XDH: variants seen among roughly 807,000 people sequenced by gnomAD.
XDH encodes the protein xanthine dehydrogenase/oxidase.
A neutral mutation model predicts 156.1 loss-of-function variants in XDH; 138 were observed. The ratio of observed to expected loss-of-function variants is 0.88; its 90% CI spans 0.77 to 1.02. The LOEUF is 1.02. Ranked by LOEUF, XDH falls within the 50% of genes least tolerant of loss-of-function variation. XDH has a pLI of 0.00. For missense variants in XDH, 1,849 were observed against 1,684.9 expected, an observed-to-expected ratio of 1.10 and a Z score of -1.71; for synonymous variants, 669 against 625.7, an observed-to-expected ratio of 1.07 and a Z score of -1.03.
intron 13 of XDH, among the ~76,000 whole-genome samples, chr2:31,378,461 A>T (rs1686338854): frequency 6.6e-6 from 1 of 152,178 alleles, no homozygotes; most frequent in African/African-American, 2.4e-5. Flanking sequence ...GATCTATTGG[A>T]AAAAGCACAA....
intron 17 of XDH, 76 bp from the exon 18 acceptor site, chr2:31,370,554 G>A: frequency 1.9e-6 from 3 of 1,588,482 alleles, no homozygotes; most frequent in Non-Finnish European, 2.6e-6. Flanking sequence ...GGACAACCCT[G>A]TTCTTATTTT....
At chr2:31,353,843 G>T (rs1362566835) in intron 24 of XDH, among the ~76,000 whole-genome samples, 1 of 152,168 alleles carries the variant, frequency 6.6e-6, no homozygotes, top group Non-Finnish European at 1.5e-5. Flanking sequence ...GCTGTTATGA[G>T]ATACCCCAAC....
chr2:31,382,204 A>G (rs1686453691), intron 11 of XDH, among the ~76,000 whole-genome samples: 1 of 152,162 alleles, frequency 6.6e-6, no homozygotes, highest in Admixed American at 6.5e-5. Context: ...ACAGGAAGAA[A>G]ATCAGTTGCA....
At chr2:31,342,810 C>A (rs762298537) in intron 31 of XDH, among the ~76,000 whole-genome samples, 6 of 152,116 alleles carry the variant, frequency 3.9e-5, no homozygotes, top group Non-Finnish European at 5.9e-5. Context: ...ACCTGCTGGT[C>A]CCTTTGAAAG....
intron 1 of XDH, among the ~76,000 whole-genome samples, chr2:31,408,081 C>T (rs1687240381): frequency 6.6e-6 from 1 of 152,192 alleles, no homozygotes; most frequent in Non-Finnish European, 1.5e-5. Flanking sequence ...TTCAAGGTAA[C>T]ATCCAAGTTC....
At chr2:31,367,215 G>T (rs571547414) in intron 20 of XDH, among the ~76,000 whole-genome samples, 2 of 152,108 alleles carry the variant, frequency 1.3e-5, no homozygotes, top group South Asian at 2.1e-4. Flanking sequence ...AACAAAGAAA[G>T]AACGACACTG....
intron 34 of XDH, 58 bp from the exon 35 acceptor site, chr2:31,337,875 A>T: frequency 4.4e-6 from 7 of 1,586,482 alleles, no homozygotes; most frequent in Non-Finnish European, 5.2e-6. Context: ...CCTCCACATC[A>T]TCAAGTGGAC....
chr2:31,402,000 C>A (rs1687072439), intron 3 of XDH, among the ~76,000 whole-genome samples: 1 of 152,150 alleles, frequency 6.6e-6, no homozygotes, highest in South Asian at 2.1e-4. Context: ...AAACCAAAGT[C>A]CATATGAAGG....
At chr2:31,348,565 C>T (rs45521940) in intron 27 of XDH, among the ~76,000 whole-genome samples, 3,113 of 152,274 alleles carry the variant, frequency 0.02, 100 homozygotes, top group African/African-American at 0.07. Flanking sequence ...ATATGTTTCT[C>T]TCTGTTTCTC....
Position 31,378,125 on chromosome 2 carries a change from AGG to A in XDH, c.1243-890_1243-889del, listed in dbSNP as rs1318722747. On this transcript the variant is annotated intron_variant, in intron 13 of 35. Coordinates refer to ENST00000379416, the MANE Select transcript of XDH (RefSeq NM_000379.4). Reference sequence around the variant, plus strand: ...AAGAAAGAAAGGAAGGAAGGAAGGAAGGAAGGAAGGAAGGAAGGAAGGAAGGA... The same window carrying A: ...AAGAAAGAAAGGAAGGAAGGAAGGAAAAGGAAGGAAGGAAGGAAGGAAGGA... Among the ~76,000 whole-genome samples the A allele has an allele frequency of 2.6e-4, 15 of 57,920 alleles. 1 individual carries two copies. The highest frequency in any genetic ancestry group is 8.2e-4 in the African/African-American group (13 of 15,844). The allele number at this position is 57,920 out of a possible 152,430, so 38.0% of individuals were successfully genotyped here.
At chr2:31,412,628 TA>T (rs1458772939) in intron 1 of XDH, among the ~76,000 whole-genome samples, 4 of 152,080 alleles carry the variant, frequency 2.6e-5, no homozygotes, top group Non-Finnish European at 4.4e-5. Context: ...ACTTAAAGTA[TA>T]ATAATAAAAA....
intron 15 of XDH, among the ~76,000 whole-genome samples, chr2:31,375,023 C>CTTTTTTTTTTTT (rs60340656): frequency 4.3e-5 from 4 of 92,346 alleles, no homozygotes; most frequent in African/African-American, 1.0e-4. Flanking sequence ...TTCTTTCTTT[C>CTTTTTTTTTTTT]TTTTTTTTTT....
chr2:31,370,954 G>A (rs759681257), intron 17 of XDH, among the ~76,000 whole-genome samples: 6 of 152,306 alleles, frequency 3.9e-5, no homozygotes, highest in Admixed American at 1.3e-4. Flanking sequence ...ACTCTGGAGC[G>A]CTCTGGCTCA....
At chr2:31,352,211 T>G (rs1685501925) in intron 24 of XDH, among the ~76,000 whole-genome samples, 2 of 152,204 alleles carry the variant, frequency 1.3e-5, no homozygotes, top group South Asian at 4.1e-4. Context: ...CAAGTTTCTT[T>G]GAACCCCTCT....
intron 6 of XDH, among the ~76,000 whole-genome samples, chr2:31,392,889 T>C (rs977946632): frequency 6.6e-6 from 1 of 152,260 alleles, no homozygotes; most frequent in African/African-American, 2.4e-5. Flanking sequence ...TTTGACCATG[T>C]GTTCTTTTGA....
rs766142390 is a variant in XDH at position 31,364,235 on chromosome 2, T to C, written c.2554A>G (p.Met852Val). Residue 852 changes from methionine (M) to valine (V), a missense_variant, in exon 24 of 36, where the codon ATG (methionine) becomes GTG (valine). Met to Val is a conservative substitution (Grantham distance 21, BLOSUM62 1). Transcript: ENST00000379416. The stretch of plus-strand genomic sequence containing the variant: ...AGAGCCACAACTGTCCCAGTCTTCA[T>C]GAAGCCAACCTGATAAAAGGAGAAA... ...PFLARYKVGF[M>V]KTGTVVALEV... is the part of the protein sequence containing the mutation. The C allele has an allele frequency of 6.2e-7, 1 of 1,614,182 alleles. No individual in the cohort carries two copies. Among genetic ancestry groups the C allele is most frequent in the African/African-American group, 1.3e-5 (1 of 75,050 alleles).
At position 31,373,900 on chromosome 2, in the gene XDH, G is replaced by A; in HGVS notation, c.1659C>T (p.Asp553=). Residue 553 remains aspartate (D), a synonymous_variant, in exon 16 of 36, where the codon GAC becomes GAT. Transcript: ENST00000379416. The part of the protein sequence containing the change: ...FASATLLFQK[D]PPADVQLFQE... The stretch of plus-strand genomic sequence containing the variant: ...GGAAGAGCTGGACATCGGCTGGGGG[G>A]TCTTTCTGAAACAGTAAAGTTGCAC... 1 of 1,613,920 alleles carries A rather than the reference G, an allele frequency of 6.2e-7. No homozygotes were observed. Among genetic ancestry groups the A allele is most frequent in the Non-Finnish European group, 8.5e-7 (1 of 1,179,894 alleles).
At position 31,383,753 on chromosome 2, in the gene XDH, A is replaced by G. The variant is rs1686505443; in HGVS notation, c.886+2T>C. ...ATAAGCTTGGAGTGAACCTCCTCTT[A>G]CCGTCGGGTCCATGTTCTACCGAAT... is the stretch of plus-strand genomic sequence containing the variant. On this transcript the variant is annotated splice_donor_variant, in intron 10 of 35. Transcript: ENST00000379416. LOFTEE classifies it high-confidence loss of function. 1 of 1,613,608 alleles carries G rather than the reference A, an allele frequency of 6.2e-7. No individual in the cohort carries two copies. The highest frequency in any genetic ancestry group is 8.5e-7 in the Non-Finnish European group (1 of 1,179,848).
At chr2:31,350,311 G>T in intron 24 of XDH, 88 bp from the exon 25 acceptor site, 1 of 1,359,948 alleles carries the variant, frequency 7.4e-7, no homozygotes, top group Admixed American at 1.8e-5. Flanking sequence ...TGTATCCATT[G>T]CCTGCCTTTC....
Sources: gnomAD v4.1 joint callset for allele counts (sites outside exome capture counted in the v4.1 genomes callset) on GRCh38, gnomAD v4.1.1 for gene constraint, MANE v1.5 for transcripts, NCBI Gene and HGNC (gene_info 2026-07-23, HGNC 2026-07-21) for gene names.